The following GREB1 variants were observed in gnomAD, a reference collection of about 807,000 sequenced individuals.
GREB1 encodes the protein protein GREB1.
In GREB1, 106 loss-of-function variants were observed where a neutral mutation model predicts 200.7. The ratio of observed to expected loss-of-function variants is 0.53; its 90% CI spans 0.45 to 0.62. The LOEUF is 0.62. Among genes scored for constraint, GREB1 ranks in the 20% least tolerant of loss-of-function variants. GREB1 has a pLI of 0.00. For synonymous variants in GREB1, 1,132 were observed against 1,092.4 expected (o/e 1.04, Z -0.72); for missense variants, 2,243 against 2,556.8 (o/e 0.88, Z 2.65).
chr2:11,509,087 G>A (rs915248778), intron 1 of GREB1, among the ~76,000 whole-genome samples: 38 of 151,704 alleles, frequency 2.5e-4, no homozygotes, highest in African/African-American at 9.0e-4. Context: ...GTGTTAGCCA[G>A]GATGGTCTCG....
At chr2:11,511,279 A>G (rs2148450041) in intron 1 of GREB1, among the ~76,000 whole-genome samples, 1 of 152,150 alleles carries the variant, frequency 6.6e-6, no homozygotes, top group East Asian at 1.9e-4. Flanking sequence ...CTACACAATC[A>G]TCCCCATTTT....
rs1558510887 is a variant in GREB1 at position 11,538,675 on chromosome 2, TTCTTTCTTTCTTTCCTTCCTC to T, written c.-162+4422_-162+4442del. On this transcript the variant is annotated intron_variant, in intron 1 of 32. Transcript: ENST00000381486. ...TTTCTTTCTTTCTTTCTTTCTTTCT[TTCTTTCTTTCTTTCCTTCCTC>T]CCTCCCTCCCTCCCTTCCTCCCTCC... 8.0e-4 allele frequency among the ~76,000 whole-genome samples: 78 copies of T among 97,504 alleles called. 4 individuals are homozygous for T. Among genetic ancestry groups the T allele is most frequent in the African/African-American group, 2.9e-3 (74 of 25,944 alleles). The allele number at this position is 97,504 out of a possible 152,430, so 64.0% of individuals were successfully genotyped here.
In GREB1 at chr2:11,576,303, A is replaced by G. The variant is rs182178476; in HGVS notation, c.455-50A>G. ...GCCTAGATGACAAGAACGAGACTTC[A>G]TCTCAAAAAAAAAAAAAGAAAGATG... On this transcript the variant is annotated intron_variant, in intron 4 of 32. Transcript: ENST00000381486. The G allele has an allele frequency of 9.6e-4, 1,402 of 1,458,480 alleles. 8 individuals carry two copies. The African/African-American group carries it at 0.018, about 19-fold the overall frequency. The allele number at this position is 1,458,480 out of a possible 1,614,324, so 90.3% of individuals were successfully genotyped here.
chr2:11,613,695 T>A (rs1321922925), intron 19 of GREB1, among the ~76,000 whole-genome samples: 2 of 152,218 alleles, frequency 1.3e-5, no homozygotes, highest in Non-Finnish European at 2.9e-5. Flanking sequence ...ACTGAGACAA[T>A]GTCTTAATCT....
chr2:11,509,979 A>G (rs1468201049), intron 1 of GREB1, among the ~76,000 whole-genome samples: 1 of 152,248 alleles, frequency 6.6e-6, no homozygotes, highest in Non-Finnish European at 1.5e-5. Flanking sequence ...TCTGTTTGCT[A>G]GAATCAGGAT....
At chr2:11,542,765 G>A (rs368501760) in intron 1 of GREB1, 5 of 152,622 alleles carry the variant, frequency 3.3e-5, no homozygotes, top group African/African-American at 9.7e-5. Context: ...GATGCCCATA[G>A]GAAGGGCTCT....
intron 4 of GREB1, among the ~76,000 whole-genome samples, chr2:11,572,038 G>A (rs1678362103): frequency 6.6e-6 from 1 of 152,172 alleles, no homozygotes; most frequent in Non-Finnish European, 1.5e-5. Flanking sequence ...TCTATGTCTT[G>A]CCCAGAGCAT....
intron 24 of GREB1, among the ~76,000 whole-genome samples, chr2:11,625,551 A>G (rs968662185): frequency 1.3e-5 from 2 of 152,158 alleles, no homozygotes; most frequent in Non-Finnish European, 2.9e-5. Context: ...CTGATTTGTC[A>G]CCATTGGAAT....
upstream of GREB1, among the ~76,000 whole-genome samples, chr2:11,532,612 G>A (rs1465904220): frequency 6.6e-6 from 1 of 152,164 alleles, no homozygotes; most frequent in African/African-American, 2.4e-5. Flanking sequence ...AAACAAGTTT[G>A]CTGCCTTTTC....
intron 3 of GREB1, 126 bp downstream of exon 3, chr2:11,562,708 C>T (rs1677200658): frequency 1.7e-6 from 2 of 1,187,300 alleles, no homozygotes; most frequent in Admixed American, 2.7e-5. Flanking sequence ...CTTTGCTTTC[C>T]CTGAGGTGTG....
At chr2:11,591,332 G>C (rs1337898719) in intron 10 of GREB1, 2 of 723,838 alleles carry the variant, frequency 2.8e-6, no homozygotes, top group Non-Finnish European at 5.2e-6. Flanking sequence ...CCGCACAGCT[G>C]GTGCTGGGTA....
In GREB1 at chr2:11,635,281, A is replaced by G. The variant is rs1450219968; in HGVS notation, c.5222A>G (p.Asp1741Gly). The G allele has an allele frequency of 1.2e-6, 2 of 1,614,092 alleles. No individual in the cohort carries two copies. The highest frequency in any genetic ancestry group is 8.5e-7 in the Non-Finnish European group (1 of 1,179,990). ...VQYNQNRFLCDDVDFNLRVHS... is the reference protein window; with the variant it reads ...VQYNQNRFLCGDVDFNLRVHS... ...CTGGCCCTGAGTAGGTTCCTGTGTG[A>G]CGATGTAGACTTCAACCTGCGGGTG... The change falls in exon 30 of 33, where the codon GAC (aspartate) becomes GGC (glycine). Residue 1741 changes from aspartate (D) to glycine (G), a missense_variant. By Grantham distance (94) the Asp-to-Gly change is moderately conservative. Transcript: ENST00000381486.
At chr2:11,485,551 G>C (rs1226246033) in intron 1 of GREB1, among the ~76,000 whole-genome samples, 1 of 152,150 alleles carries the variant, frequency 6.6e-6, no homozygotes, top group African/African-American at 2.4e-5. Flanking sequence ...TGGGATTACA[G>C]GTGAGAGCCA....
At chr2:11,596,442 C>T (rs376061676) in intron 13 of GREB1, among the ~76,000 whole-genome samples, 1 of 71,320 alleles carries the variant, frequency 1.4e-5, no homozygotes, top group African/African-American at 6.9e-5. Flanking sequence ...CAGGTGTGCA[C>T]AGTGAGGGGG....
In GREB1 at chr2:11,640,681, A is replaced by T. The variant is rs2148468707; in HGVS notation, c.*227A>T. Reference sequence around the variant, plus strand: ...ACTTGAGACTCCCAAGTTCTGGGCCAGCCCATTGCTCTGGGCTGTTTTAAA... The same window carrying T: ...ACTTGAGACTCCCAAGTTCTGGGCCTGCCCATTGCTCTGGGCTGTTTTAAA... On this transcript the variant is annotated 3_prime_UTR_variant, in exon 33 of 33. Coordinates refer to ENST00000381486, the MANE Select transcript of GREB1 (RefSeq NM_014668.4). This position sits in a 1 kb window ranked among gnomAD's most constrained non-coding sequence, Gnocchi z 4.6. The T allele has an allele frequency of 1.8e-6, 1 of 549,674 alleles. No individual in the cohort carries two copies. The highest frequency in any genetic ancestry group is 3.2e-5 in the East Asian group (1 of 31,548). The allele number at this position is 549,674 out of a possible 1,614,324, so 34.0% of individuals were successfully genotyped here. A position where few individuals can be genotyped will look rare whatever the true frequency, so the allele number is the denominator to read the frequency against.
In GREB1 at chr2:11,630,063, C is replaced by T; in HGVS notation, c.4565C>T (p.Pro1522Leu). The T allele has an allele frequency of 6.2e-7, 1 of 1,614,220 alleles. No homozygotes were observed. Among genetic ancestry groups the T allele is most frequent in the Non-Finnish European group, 8.5e-7 (1 of 1,180,038 alleles). ...GAGCACCACTTTGTCTTCAGCCAAC[C>T]TGGAGGCCAGCTGGAGAGCATGCGA... Reference protein sequence around the residue: ...SKEHHFVFSQPGGQLESMRLP... With the variant: ...SKEHHFVFSQLGGQLESMRLP... Residue 1522 changes from proline (P) to leucine (L), a missense_variant, in exon 26 of 33, where the codon CCT becomes CTT. Around this residue, in one of 3 missense-constraint regions of GREB1, gnomAD observed 478 missense variants for 616.3 expected, o/e 0.78. Coordinates refer to ENST00000381486, the MANE Select transcript of GREB1 (RefSeq NM_014668.4).
chr2:11,534,958 C>A (rs1674222378), intron 1 of GREB1, among the ~76,000 whole-genome samples: 1 of 152,172 alleles, frequency 6.6e-6, no homozygotes, highest in Non-Finnish European at 1.5e-5. Context: ...ACAGAATCAG[C>A]TGGCATTCTG....
At chr2:11,501,204 G>C (rs1300880163) in intron 1 of GREB1, among the ~76,000 whole-genome samples, 1 of 152,160 alleles carries the variant, frequency 6.6e-6, no homozygotes, top group Non-Finnish European at 1.5e-5. Context: ...AATCAGCTGT[G>C]TTCCCTACTG....
chr2:11,599,386 C>T (rs1681564459), intron 15 of GREB1, among the ~76,000 whole-genome samples: 1 of 149,794 alleles, frequency 6.7e-6, no homozygotes, highest in South Asian at 2.1e-4. Context: ...GTCGCCCAGG[C>T]TGGAGTGCAG....
Sources: gnomAD v4.1 joint callset for allele counts (sites outside exome capture counted in the v4.1 genomes callset) on GRCh38, gnomAD v4.1.1 for gene constraint, gnomAD v4.1.1 regional missense constraint, Gnocchi (gnomAD v3.1) non-coding constraint, MANE v1.5 for transcripts, NCBI Gene and HGNC (gene_info 2026-07-23, HGNC 2026-07-21) for gene names.